DTNB: variants seen among roughly 807,000 people sequenced by gnomAD.
The protein encoded by DTNB is dystrobrevin beta, also known as DTN-B.
A neutral mutation model predicts 90.7 loss-of-function variants in DTNB; 63 were observed. The observed-to-expected ratio is 0.69, with a 90% confidence interval of 0.57 to 0.86. The LOEUF is 0.86. Ranked by LOEUF, DTNB falls within the 40% of genes least tolerant of loss-of-function variation. The pLI is 0.00. For synonymous variants in DTNB, 277 were observed against 286.7 expected (o/e 0.97, Z 0.34); for missense variants, 744 against 807.1 (o/e 0.92, Z 0.95).
intron 9 of DTNB, among the ~76,000 whole-genome samples, chr2:25,508,035 T>A (rs2072924408): frequency 6.6e-6 from 1 of 152,194 alleles, no homozygotes; most frequent in Non-Finnish European, 1.5e-5. Flanking sequence ...AAAGCAATTA[T>A]TAAAAATGGC....
chr2:25,652,664 A>G lies in DTNB; in HGVS notation c.-1-3T>C. 6.2e-7 allele frequency: 1 copy of G among 1,611,254 alleles called. No homozygotes were observed. Among genetic ancestry groups the G allele is most frequent in the Admixed American group, 1.7e-5 (1 of 59,564 alleles). On this transcript the variant is annotated splice_region_variant and splice_polypyrimidine_tract_variant and intron_variant, in intron 1 of 20. Coordinates refer to ENST00000406818, the MANE Select transcript of DTNB (RefSeq NM_021907.5). ...TGTTCCCACTTTCCTCAATCATCCT[A>G]GAGACAAAGAAAGATACAATAAACC... is the stretch of plus-strand genomic sequence containing the variant.
At chr2:25,543,671 TTAG>T (rs1461221458) in intron 8 of DTNB, among the ~76,000 whole-genome samples, 1 of 152,234 alleles carries the variant, frequency 6.6e-6, no homozygotes, top group Non-Finnish European at 1.5e-5. Context: ...AATTTACTGA[TTAG>T]TAATATATTT....
chr2:25,547,314 C>T (rs1326330056), intron 8 of DTNB, among the ~76,000 whole-genome samples: 31 of 123,396 alleles, frequency 2.5e-4, no homozygotes, highest in South Asian at 1.1e-3. Context: ...CACCTGTATT[C>T]TTTCTTTCCT....
chr2:25,422,395 CTTTTTTTTTTT>C (rs146697158), intron 15 of DTNB, among the ~76,000 whole-genome samples: 2 of 82,918 alleles, frequency 2.4e-5, no homozygotes, highest in Non-Finnish European at 2.2e-5. Context: ...CTTTTCTCTT[CTTTTTTTTTTT>C]TTTTTTTTTT....
chr2:25,584,564 T>G (rs2062056946), intron 6 of DTNB, among the ~76,000 whole-genome samples: 1 of 143,172 alleles, frequency 7.0e-6, no homozygotes, highest in African/African-American at 2.8e-5. Flanking sequence ...CAATTTTACT[T>G]TTTTTTTTTT....
At chr2:25,401,465 G>C (rs552594048) in intron 16 of DTNB, among the ~76,000 whole-genome samples, 1 of 152,376 alleles carries the variant, frequency 6.6e-6, no homozygotes, top group East Asian at 1.9e-4. Context: ...TGCTGTGGCA[G>C]AGAGAACTGG....
chr2:25,423,820 C>T (rs978762730), intron 15 of DTNB, among the ~76,000 whole-genome samples: 2 of 152,012 alleles, frequency 1.3e-5, no homozygotes, highest in Non-Finnish European at 2.9e-5. Context: ...CCACCACGCT[C>T]AGGTAACTTT....
At position 25,379,516 on chromosome 2, in the gene DTNB, C is replaced by T. The variant is rs2036948043; in HGVS notation, c.1880-193G>A. 5.6e-6 allele frequency: 3 copies of T among 535,446 alleles called. No homozygotes were observed. The African/African-American group carries it at 5.9e-5, about 10-fold the overall frequency. 33.2% of individuals were successfully genotyped at this position (535,446 alleles called of 1,614,324 possible). A position where few individuals can be genotyped will look rare whatever the true frequency, so the allele number is the denominator to read the frequency against. On this transcript the variant is annotated intron_variant, in intron 19 of 20. Coordinates refer to ENST00000406818, the MANE Select transcript of DTNB (RefSeq NM_021907.5). Reference sequence around the variant, plus strand: ...TCATACTTTCTACTACTGTAGCCAACCCGAGGCAGCCATGGAGACAGATGC... The same window carrying T: ...TCATACTTTCTACTACTGTAGCCAATCCGAGGCAGCCATGGAGACAGATGC...
chr2:25,607,427 C>A, intron 4 of DTNB, 106 bp from the exon 5 acceptor site: 1 of 1,057,038 alleles, frequency 9.5e-7, no homozygotes. Flanking sequence ...CTGACCTTGT[C>A]TGTTACAATT....
intron 4 of DTNB, among the ~76,000 whole-genome samples, chr2:25,618,437 G>A (rs931956782): frequency 7.9e-5 from 12 of 152,144 alleles, no homozygotes; most frequent in Admixed American, 3.3e-4. Flanking sequence ...CACAGCACAT[G>A]TCCTCACCAA....
chr2:25,608,420 A>G (rs1243452445), intron 4 of DTNB, among the ~76,000 whole-genome samples: 1 of 152,248 alleles, frequency 6.6e-6, no homozygotes, highest in Admixed American at 6.5e-5. Flanking sequence ...GCTTTTAACT[A>G]TAACATCTCC....
At chr2:25,439,620 C>T (rs1194598149) in intron 12 of DTNB, among the ~76,000 whole-genome samples, 1 of 152,092 alleles carries the variant, frequency 6.6e-6, no homozygotes, top group Admixed American at 6.6e-5. Flanking sequence ...ATTGCTTTGG[C>T]TACTCGGTGG....
At chr2:25,499,081 T>C (rs1035626345) in intron 9 of DTNB, among the ~76,000 whole-genome samples, 9 of 150,942 alleles carry the variant, frequency 6.0e-5, no homozygotes, top group African/African-American at 2.2e-4. Flanking sequence ...CCAGGCATGG[T>C]GGCAGGGTGC....
At chr2:25,434,399 C>CTTTTTTTTT (rs1179596539) in intron 12 of DTNB, among the ~76,000 whole-genome samples, 16 of 95,504 alleles carry the variant, frequency 1.7e-4, no homozygotes, top group East Asian at 6.8e-4. Context: ...ATGAACTAGT[C>CTTTTTTTTT]TTTTTTTTTT....
rs1056474293 is a variant in DTNB at position 25,508,694 on chromosome 2, C to T, written c.1001+22779G>A. On this transcript the variant is annotated intron_variant, in intron 9 of 20. Coordinates refer to ENST00000406818, the MANE Select transcript of DTNB (RefSeq NM_021907.5). ...GGATTACAGGTGTGCACCACCACGC[C>T]GGGCTAATTTTTTATTTTTAGTAGA... 2.6e-5 allele frequency among the ~76,000 whole-genome samples: 4 copies of T among 151,958 alleles called. No homozygotes were observed. The East Asian group carries it at 5.8e-4, about 22-fold the overall frequency.
At chr2:25,604,508 G>A (rs2066645721) in intron 5 of DTNB, among the ~76,000 whole-genome samples, 1 of 152,046 alleles carries the variant, frequency 6.6e-6, no homozygotes, top group African/African-American at 2.4e-5. Flanking sequence ...CTAGCCTCAA[G>A]TGATCCTCCT....
In DTNB at chr2:25,580,790, T is replaced by A. The variant is rs2061454760; in HGVS notation, c.640A>T (p.Met214Leu). Residue 214 changes from methionine (M) to leucine (L), a missense_variant, in exon 7 of 21, where the codon ATG becomes TTG. Coordinates refer to ENST00000406818, the MANE Select transcript of DTNB (RefSeq NM_021907.5). ...IMLNMFLDTM[M>L]ADPPPQCLVW... The stretch of plus-strand genomic sequence containing the variant: ...AGGCACTGGGGAGGAGGGTCAGCCA[T>A]CATTGTGTCTAAAAACATATTTAGC... The A allele has an allele frequency of 5.0e-6, 8 of 1,613,338 alleles. No individual in the cohort carries two copies. The highest frequency in any genetic ancestry group is 2.7e-5 in the African/African-American group (2 of 74,890).
At chr2:25,489,477 G>A (rs981519706) in intron 9 of DTNB, among the ~76,000 whole-genome samples, 1 of 152,072 alleles carries the variant, frequency 6.6e-6, no homozygotes, top group African/African-American at 2.4e-5. Flanking sequence ...GGAAAATACT[G>A]AGATTATCTC....
chr2:25,652,702 G>A (rs745576136), intron 1 of DTNB, 41 bp from the exon 2 acceptor site: 28 of 1,588,302 alleles, frequency 1.8e-5, no homozygotes, highest in African/African-American at 5.4e-5. Flanking sequence ...TGTATAATTC[G>A]ACAATTCAAT....
Sources: allele counts gnomAD v4.1 joint callset (sites outside exome capture counted in the v4.1 genomes callset), GRCh38; gene constraint gnomAD v4.1.1; transcripts MANE v1.5; gene names NCBI Gene and HGNC (gene_info 2026-07-23, HGNC 2026-07-21).